The following S100A8 variants were observed in gnomAD, a reference collection of about 807,000 sequenced individuals.
The protein encoded by S100A8 is S100 calcium binding protein A8.
A neutral mutation model predicts 4.2 loss-of-function variants in S100A8; 1 was observed. That is an observed-to-expected ratio of 0.24 (90% CI 0.08 to 1.12). S100A8 has a LOEUF of 1.12. Ranked by LOEUF, S100A8 falls within the 50% of genes most tolerant of loss-of-function variation. The pLI, the probability that S100A8 is intolerant of heterozygous loss-of-function variation, is 0.53. For missense variants in S100A8, 96 were observed against 111.8 expected, an observed-to-expected ratio of 0.86 and a Z score of 0.64; for synonymous variants, 41 against 44.7, an observed-to-expected ratio of 0.92 and a Z score of 0.33.
At chr1:153,408,890 G>A in the S100A8 span, among the ~76,000 whole-genome samples, 1 of 152,114 alleles carries the variant, frequency 6.6e-6, no homozygotes, top group Non-Finnish European at 1.5e-5. Context: ...CTTCATAAGT[G>A]GAGGAGAAAT....
upstream of S100A8, among the ~76,000 whole-genome samples, chr1:153,394,995 G>A (rs1662182502): frequency 6.6e-6 from 1 of 152,150 alleles, no homozygotes. Flanking sequence ...TTTCCTGAAG[G>A]CAGAGGAGAC....
chr1:153,418,907 C>T, the S100A8 span, among the ~76,000 whole-genome samples: 11 of 152,090 alleles, frequency 7.2e-5, no homozygotes, highest in Non-Finnish European at 1.0e-4. Context: ...CAGAGTGCCT[C>T]GGGACAGGAC....
At chr1:153,404,162 C>T in the S100A8 span, among the ~76,000 whole-genome samples, 1 of 152,188 alleles carries the variant, frequency 6.6e-6, no homozygotes, top group African/African-American at 2.4e-5. Flanking sequence ...GCTCCCAGGC[C>T]CACTCCAGGA....
At chr1:153,422,511 C>T in the S100A8 span, 1 of 985,168 alleles carries the variant, frequency 1.0e-6, no homozygotes, top group African/African-American at 1.7e-5. Flanking sequence ...TCTATGCCCA[C>T]ACTCACATTA....
the S100A8 span, among the ~76,000 whole-genome samples, chr1:153,409,545 C>T: frequency 6.6e-6 from 1 of 152,182 alleles, no homozygotes; most frequent in East Asian, 1.9e-4. Context: ...TTTAATACCC[C>T]ACTGTCAACA....
the S100A8 span, among the ~76,000 whole-genome samples, chr1:153,407,520 C>T: frequency 3.3e-5 from 5 of 152,214 alleles, no homozygotes; most frequent in African/African-American, 1.2e-4. Context: ...CTGCCTGCCT[C>T]GGTAGACTCC....
chr1:153,407,250 A>G, the S100A8 span, among the ~76,000 whole-genome samples: 21 of 152,236 alleles, frequency 1.4e-4, no homozygotes, highest in Non-Finnish European at 2.8e-4. Context: ...GCACCTGGAA[A>G]ATCAGGTCAC....
chr1:153,419,261 C>T, the S100A8 span: 7 of 1,614,194 alleles, frequency 4.3e-6, no homozygotes, highest in South Asian at 1.1e-5. Flanking sequence ...CCGCAGACTA[C>T]CACAAGCAGA....
the S100A8 span, chr1:153,420,109 A>C: frequency 6.6e-6 from 1 of 152,372 alleles, no homozygotes; most frequent in South Asian, 2.1e-4. Flanking sequence ...GGAATAAGGC[A>C]GCATCACGGA....
chr1:153,418,475 GCA>G, the S100A8 span, among the ~76,000 whole-genome samples: 7 of 152,178 alleles, frequency 4.6e-5, no homozygotes, highest in African/African-American at 1.7e-4. Flanking sequence ...TGAGGACAGT[GCA>G]CAGTCCCCTC....
chr1:153,400,755 C>T, the S100A8 span, among the ~76,000 whole-genome samples: 1 of 152,158 alleles, frequency 6.6e-6, no homozygotes, highest in Non-Finnish European at 1.5e-5. Context: ...TTTGGTTCAG[C>T]CATCATTACC....
the S100A8 span, among the ~76,000 whole-genome samples, chr1:153,398,289 G>C: frequency 6.6e-6 from 1 of 152,206 alleles, no homozygotes; most frequent in Non-Finnish European, 1.5e-5. Flanking sequence ...GTCTAAGCCC[G>C]GATTTGGGTG....
At chr1:153,410,849 C>T in the S100A8 span, among the ~76,000 whole-genome samples, 1 of 151,996 alleles carries the variant, frequency 6.6e-6, no homozygotes, top group South Asian at 2.1e-4. Context: ...AAATGTAATC[C>T]GTCATATAAA....
chr1:153,396,032 G>A (rs1039263060), upstream of S100A8, among the ~76,000 whole-genome samples: 1 of 152,220 alleles, frequency 6.6e-6, no homozygotes, highest in African/African-American at 2.4e-5. Flanking sequence ...GACCACAAGC[G>A]AGGCCTCGCT....
the S100A8 span, chr1:153,419,442 G>A: frequency 1.9e-6 from 2 of 1,081,054 alleles, no homozygotes; most frequent in African/African-American, 3.2e-5. Context: ...TAACTTTGTT[G>A]GAGAATTTCC....
the S100A8 span, among the ~76,000 whole-genome samples, chr1:153,400,402 T>C: frequency 6.6e-6 from 1 of 152,058 alleles, no homozygotes; most frequent in Non-Finnish European, 1.5e-5. Context: ...ACAAGACTTC[T>C]CCCAGCCGGC....
chr1:153,413,541 C>T, the S100A8 span, among the ~76,000 whole-genome samples: 6 of 152,288 alleles, frequency 3.9e-5, no homozygotes, highest in African/African-American at 1.4e-4. Flanking sequence ...ATAAATTTGT[C>T]AGTTTTCATT....
the S100A8 span, among the ~76,000 whole-genome samples, chr1:153,416,818 G>C: frequency 1.3e-5 from 2 of 152,212 alleles, no homozygotes; most frequent in Non-Finnish European, 2.9e-5. Context: ...TCCCCAGTGG[G>C]ACCTGAGCAC....
chr1:153,419,434 A>G, the S100A8 span: 6 of 1,133,670 alleles, frequency 5.3e-6, no homozygotes, highest in South Asian at 8.1e-5. Flanking sequence ...TTCCAGGTTA[A>G]CTTTGTTGGA....
Sources: allele counts gnomAD v4.1 joint callset (sites outside exome capture counted in the v4.1 genomes callset), GRCh38; gene constraint gnomAD v4.1.1; transcripts MANE v1.5; gene names NCBI Gene and HGNC (gene_info 2026-07-23, HGNC 2026-07-21).